The following TRAF5 variants were observed in gnomAD, a reference collection of about 807,000 sequenced individuals.
TRAF5 encodes TNF receptor associated factor 5.
A neutral mutation model predicts 64.5 loss-of-function variants in TRAF5; 48 were observed. The observed-to-expected ratio is 0.74, with a 90% CI of 0.59 to 0.95. TRAF5 has a LOEUF of 0.95. Among genes scored for constraint, TRAF5 ranks in the 40% least tolerant of loss-of-function variants. The pLI, the probability that TRAF5 is intolerant of heterozygous loss-of-function variation, is 0.00. For synonymous variants in TRAF5, 206 were observed against 240.5 expected, an observed-to-expected ratio of 0.86 and a Z score of 1.33; for missense variants, 545 against 662.8, an observed-to-expected ratio of 0.82 and a Z score of 1.95.
intron 3 of TRAF5, among the ~76,000 whole-genome samples, chr1:211,354,866 T>C (rs527490706): frequency 2.0e-5 from 3 of 152,190 alleles, no homozygotes; most frequent in Non-Finnish European, 4.4e-5. Flanking sequence ...TTTTAAAAAA[T>C]TGAGTTATTT....
chr1:211,357,896 T>G (rs781687937), intron 4 of TRAF5: 9 of 152,234 alleles, frequency 5.9e-5, no homozygotes, highest in Admixed American at 1.3e-4. Flanking sequence ...GTAACTATTT[T>G]AGGCTTTGCA....
intron 1 of TRAF5, among the ~76,000 whole-genome samples, chr1:211,347,519 A>T (rs1702648686): frequency 6.6e-6 from 1 of 152,250 alleles, no homozygotes; most frequent in South Asian, 2.1e-4. Context: ...AAAAACAAAT[A>T]GTGGACAAGA....
chr1:211,339,395 G>C (rs1183496481), intron 1 of TRAF5, among the ~76,000 whole-genome samples: 1 of 152,218 alleles, frequency 6.6e-6, no homozygotes, highest in Non-Finnish European at 1.5e-5. Context: ...AACAGGCCCT[G>C]CTTCAACCAG....
chr1:211,366,665 G>GAGCTTC (rs1703365173), intron 8 of TRAF5, among the ~76,000 whole-genome samples: 1 of 152,170 alleles, frequency 6.6e-6, no homozygotes, highest in African/African-American at 2.4e-5. Context: ...CCAAAAGGGA[G>GAGCTTC]AGCTTGCACT....
At chr1:211,370,809 C>G (rs556845136) in intron 9 of TRAF5, among the ~76,000 whole-genome samples, 3 of 152,174 alleles carry the variant, frequency 2.0e-5, no homozygotes, top group Non-Finnish European at 4.4e-5. Context: ...TTTATTTAGT[C>G]TCTTCCACCT....
At chr1:211,354,325 G>A (rs567599379) in intron 2 of TRAF5, 85 bp from the exon 3 acceptor site, 2 of 1,342,372 alleles carry the variant, frequency 1.5e-6, no homozygotes, top group Admixed American at 1.8e-5. Context: ...CAGGGCTAGA[G>A]CATGGCTGGA....
chr1:211,334,230 GT>G (rs1702233329), intron 1 of TRAF5, among the ~76,000 whole-genome samples: 1 of 152,206 alleles, frequency 6.6e-6, no homozygotes. Flanking sequence ...GTGACAGCAG[GT>G]GTGAAGCACT....
intron 7 of TRAF5, among the ~76,000 whole-genome samples, chr1:211,363,910 C>CA (rs35539677): frequency 0.18 from 15,678 of 85,572 alleles, 1,304 homozygotes; most frequent in African/African-American, 0.25. Flanking sequence ...GACCCTGTCT[C>CA]AAAAAAAAAA....
Position 211,360,037 on chromosome 1 carries a change from C to G in TRAF5, c.504C>G (p.Cys168Trp). Residue 168 changes from cysteine to tryptophan, a missense_variant, in exon 5 of 11, where the codon TGC becomes TGG. By Grantham distance (215) the Cys-to-Trp change is radical. Coordinates refer to ENST00000261464, the MANE Select transcript of TRAF5 (RefSeq NM_001033910.3). ...CCTGTCAGTTTCGAAAGGAAAAATG[C>G]CTTTATTGCAAAAAGGATGTGGTAG... The part of the protein sequence containing the change: ...SASCQFRKEK[C>W]LYCKKDVVVI... 2 of 1,613,934 alleles carry G rather than the reference C, an allele frequency of 1.2e-6. No individual in the cohort carries two copies. Among genetic ancestry groups the G allele is most frequent in the Non-Finnish European group, 1.7e-6 (2 of 1,179,974 alleles).
At position 211,361,123 on chromosome 1, in the gene TRAF5, G is replaced by A. The variant is rs774626101; in HGVS notation, c.657G>A (p.Glu219=). Reference sequence around the variant, plus strand: ...ACCTGGCTGTATGTCCTGAAGCTGAGCAAGACTGTCCTTTTAAGCACTATG... The same window carrying A: ...ACCTGGCTGTATGTCCTGAAGCTGAACAAGACTGTCCTTTTAAGCACTATG... ...DEHLAVCPEA[E]QDCPFKHYGC... Residue 219 remains glutamate, a synonymous_variant, in exon 7 of 11, where the codon GAG becomes GAA. Transcript: ENST00000261464. 2 of 1,614,056 alleles carry A rather than the reference G, an allele frequency of 1.2e-6. No homozygotes were observed. Among genetic ancestry groups the A allele is most frequent in the Non-Finnish European group, 1.7e-6 (2 of 1,180,032 alleles).
At chr1:211,339,126 A>G (rs901435600) in intron 1 of TRAF5, among the ~76,000 whole-genome samples, 1 of 152,208 alleles carries the variant, frequency 6.6e-6, no homozygotes, top group Admixed American at 6.5e-5. Context: ...CCCACGCACT[A>G]GCTGTGTGAT....
intron 1 of TRAF5, 72 bp from the exon 2 acceptor site, chr1:211,353,167 A>C (rs1356649811): frequency 5.9e-5 from 83 of 1,399,590 alleles, no homozygotes; most frequent in Non-Finnish European, 8.2e-5. Flanking sequence ...CAAATAACCA[A>C]AGCATCTGAT....
chr1:211,358,809 AGT>A (rs1703071740), intron 4 of TRAF5: 1 of 15,944 alleles, frequency 6.3e-5, no homozygotes, highest in African/African-American at 1.6e-4. Flanking sequence ...TAGTATATAT[AGT>A]TATATATTAC....
At chr1:211,329,776 C>T (rs1400704361) in intron 1 of TRAF5, among the ~76,000 whole-genome samples, 1 of 152,170 alleles carries the variant, frequency 6.6e-6, no homozygotes, top group African/African-American at 2.4e-5. Context: ...CTAGCTCCAG[C>T]AGAGGTGTAG....
intron 1 of TRAF5, among the ~76,000 whole-genome samples, chr1:211,340,533 C>T (rs1248182030): frequency 1.3e-5 from 2 of 152,176 alleles, no homozygotes; most frequent in African/African-American, 2.4e-5. Context: ...CCACCCACCT[C>T]GGCCTCCCAA....
chr1:211,334,237 G>C (rs186263865), intron 1 of TRAF5, among the ~76,000 whole-genome samples: 45 of 152,318 alleles, frequency 3.0e-4, no homozygotes, highest in Admixed American at 1.5e-3. Flanking sequence ...CAGGTGTGAA[G>C]CACTGTCTAC....
chr1:211,370,047 A>G (rs1703474009), intron 9 of TRAF5, among the ~76,000 whole-genome samples: 1 of 152,216 alleles, frequency 6.6e-6, no homozygotes, highest in African/African-American at 2.4e-5. Context: ...TAGGGTTTTA[A>G]TTAATGTTGG....
chr1:211,348,421 C>T (rs1267592031), intron 1 of TRAF5, among the ~76,000 whole-genome samples: 3 of 151,922 alleles, frequency 2.0e-5, no homozygotes, highest in Non-Finnish European at 4.4e-5. Context: ...CTTAGGGGTC[C>T]TCCATTAAAA....
chr1:211,370,400 CA>C (rs1291576557), intron 9 of TRAF5, among the ~76,000 whole-genome samples: 40 of 152,018 alleles, frequency 2.6e-4, no homozygotes, highest in Middle Eastern at 3.4e-3. Flanking sequence ...CACACACACA[CA>C]CACACACACA....
Sources: allele counts gnomAD v4.1 joint callset (sites outside exome capture counted in the v4.1 genomes callset), GRCh38; gene constraint gnomAD v4.1.1; transcripts MANE v1.5; gene names NCBI Gene and HGNC (gene_info 2026-07-23, HGNC 2026-07-21).